SRRM3: variants seen among roughly 807,000 people sequenced by gnomAD.
The protein encoded by SRRM3 is serine/arginine repetitive matrix 3, also known as serine/arginine repetitive matrix protein 3.
In SRRM3, 27 loss-of-function variants were observed where a neutral mutation model predicts 66.2. The ratio of observed to expected loss-of-function variants is 0.41; its 90% CI spans 0.30 to 0.56. The LOEUF (loss-of-function observed/expected upper bound fraction) is 0.56, where lower values mean the gene tolerates loss of function less well. Among genes scored for constraint, SRRM3 ranks in the 20% least tolerant of loss-of-function variants. SRRM3 has a pLI of 0.32. For synonymous variants in SRRM3, 391 were observed against 414.9 expected, an observed-to-expected ratio of 0.94 and a Z score of 0.70; for missense variants, 918 against 991.9, an observed-to-expected ratio of 0.93 and a Z score of 1.00.
At chr7:76,229,389 G>A (rs547091579) in intron 1 of SRRM3, among the ~76,000 whole-genome samples, 2 of 152,120 alleles carry the variant, frequency 1.3e-5, no homozygotes, top group Non-Finnish European at 1.5e-5. Context: ...GGCAATGCTA[G>A]CTAAACATCA....
intron 1 of SRRM3, among the ~76,000 whole-genome samples, chr7:76,211,190 C>T (rs1554601664): frequency 1.3e-5 from 2 of 152,180 alleles, no homozygotes; most frequent in Non-Finnish European, 2.9e-5. Flanking sequence ...GGGAAGGACT[C>T]CCTGACCTGG....
At chr7:76,261,922 G>T (rs186225900) in intron 8 of SRRM3, among the ~76,000 whole-genome samples, 3 of 151,692 alleles carry the variant, frequency 2.0e-5, no homozygotes, top group African/African-American at 7.3e-5. Flanking sequence ...GAAACAGCTC[G>T]CGAGGCAGGA....
At chr7:76,242,345 C>T (rs931970883) in intron 2 of SRRM3, among the ~76,000 whole-genome samples, 2 of 151,920 alleles carry the variant, frequency 1.3e-5, no homozygotes, top group Non-Finnish European at 1.5e-5. Flanking sequence ...ATTAGCTGGG[C>T]GTGGGGGCGC....
intron 1 of SRRM3, among the ~76,000 whole-genome samples, chr7:76,211,419 G>C (rs1800428079): frequency 6.6e-6 from 1 of 150,832 alleles, no homozygotes; most frequent in Non-Finnish European, 1.5e-5. Flanking sequence ...CTGTTGGGGG[G>C]CGGGGGGGGA....
At chr7:76,257,197 A>G (rs886628314) in intron 3 of SRRM3, among the ~76,000 whole-genome samples, 1 of 152,082 alleles carries the variant, frequency 6.6e-6, no homozygotes, top group Admixed American at 6.6e-5. Flanking sequence ...CATGCCTCTG[A>G]CAAATCCAAA....
chr7:76,276,388 G>C (rs1802348526), intron 11 of SRRM3, among the ~76,000 whole-genome samples: 1 of 152,180 alleles, frequency 6.6e-6, no homozygotes, highest in South Asian at 2.1e-4. Flanking sequence ...AAATGTGAGT[G>C]GGAAGCTCCT....
chr7:76,218,831 A>G (rs1800637113), intron 1 of SRRM3, among the ~76,000 whole-genome samples: 1 of 151,464 alleles, frequency 6.6e-6, no homozygotes, highest in African/African-American at 2.4e-5. Flanking sequence ...GGCATGCACC[A>G]TCACACCTGG....
At chr7:76,268,362 G>T (rs115979437) in intron 11 of SRRM3, 1 of 147,354 alleles carries the variant, frequency 6.8e-6, no homozygotes, top group Non-Finnish European at 1.5e-5. Context: ...GAGAGAGGGG[G>T]CTGCAGTGCT....
chr7:76,286,216 T>G lies in SRRM3; in HGVS notation c.*373T>G. ...CATGATCTGCTCTGTCACTTCACCT[T>G]AGCTCAGTGCAGCCAGGGACACCTT... is the stretch of plus-strand genomic sequence containing the variant. On this transcript the variant is annotated 3_prime_UTR_variant, in exon 15 of 15. Transcript: ENST00000611745. The G allele has an allele frequency of 3.5e-6, 1 of 282,960 alleles. No homozygotes were observed. Among genetic ancestry groups the G allele is most frequent in the Non-Finnish European group, 7.1e-6 (1 of 140,416 alleles). 17.5% of individuals were successfully genotyped at this position (282,960 alleles called of 1,614,324 possible). A position where few individuals can be genotyped will look rare whatever the true frequency, so the allele number is the denominator to read the frequency against.
chr7:76,261,054 G>A (rs551933049), intron 6 of SRRM3, among the ~76,000 whole-genome samples, 151 bp downstream of exon 6: 1 of 152,218 alleles, frequency 6.6e-6, no homozygotes, highest in African/African-American at 2.4e-5. Context: ...TACAGAGGCC[G>A]TGAATCCCAC....
chr7:76,205,188 TTCTCTC>T (rs368530693), intron 1 of SRRM3, among the ~76,000 whole-genome samples: 76 of 149,562 alleles, frequency 5.1e-4, no homozygotes, highest in Non-Finnish European at 9.5e-4. Flanking sequence ...CTTGCCTCCT[TTCTCTC>T]TCTCTCTCTC....
At chr7:76,214,175 T>G (rs1800502029) in intron 1 of SRRM3, among the ~76,000 whole-genome samples, 1 of 152,032 alleles carries the variant, frequency 6.6e-6, no homozygotes, top group Non-Finnish European at 1.5e-5. Flanking sequence ...AATCAGCCCC[T>G]TTGAGCCTGG....
chr7:76,210,521 C>T (rs555686018), intron 1 of SRRM3, among the ~76,000 whole-genome samples: 1 of 152,326 alleles, frequency 6.6e-6, no homozygotes, highest in South Asian at 2.1e-4. Context: ...CTCTTCCCCA[C>T]TTAAAAGCTG....
chr7:76,239,064 C>A (rs1241107435), intron 2 of SRRM3, among the ~76,000 whole-genome samples: 1 of 151,528 alleles, frequency 6.6e-6, no homozygotes, highest in Non-Finnish European at 1.5e-5. Flanking sequence ...CGGAGTTTCA[C>A]TCTTGTTGCC....
At position 76,248,172 on chromosome 7, in the gene SRRM3, C is replaced by G; in HGVS notation, c.234-16C>G. The stretch of plus-strand genomic sequence containing the variant: ...TCTGGGAGACCAGCCCCTTCACCCT[C>G]TCTGTGCCCCTGCAGGTATTCGGAG... On this transcript the variant is annotated splice_polypyrimidine_tract_variant and intron_variant, in intron 2 of 14. Transcript: ENST00000611745. 6.2e-7 allele frequency: 1 copy of G among 1,606,422 alleles called. No individual in the cohort carries two copies. The highest frequency in any genetic ancestry group is 8.5e-7 in the Non-Finnish European group (1 of 1,175,258).
chr7:76,210,394 C>G (rs1458053334), intron 1 of SRRM3, among the ~76,000 whole-genome samples: 6 of 152,210 alleles, frequency 3.9e-5, no homozygotes, highest in Non-Finnish European at 7.3e-5. Flanking sequence ...TCATTCTCCC[C>G]AGAAACCTCT....
chr7:76,259,404 C>A (rs1419271263), intron 3 of SRRM3, among the ~76,000 whole-genome samples: 3 of 151,920 alleles, frequency 2.0e-5, no homozygotes, highest in South Asian at 2.1e-4. Flanking sequence ...CATAGTGAGA[C>A]CCCGTCTCTG....
rs576860306 is a variant in SRRM3 at position 76,246,130 on chromosome 7, G to C, written c.234-2058G>C. Among the ~76,000 whole-genome samples the C allele has an allele frequency of 5.9e-5, 9 of 152,320 alleles. No individual in the cohort carries two copies. The South Asian group carries it at 1.9e-3, about 32-fold the overall frequency. On this transcript the variant is annotated intron_variant, in intron 2 of 14. Transcript: ENST00000611745. ...AAAGGTTTGGGACAAATAAGCCTTA[G>C]TCATTACCATTTATTGGGCACCTAC...
chr7:76,252,640 A>T (rs1469406993), intron 3 of SRRM3, among the ~76,000 whole-genome samples: 10 of 151,708 alleles, frequency 6.6e-5, no homozygotes, highest in Non-Finnish European at 1.0e-4. Context: ...GATTTGTAGA[A>T]ATGTGATCTT....
Sources: allele counts gnomAD v4.1 joint callset (sites outside exome capture counted in the v4.1 genomes callset), GRCh38; gene constraint gnomAD v4.1.1; transcripts MANE v1.5; gene names NCBI Gene and HGNC (gene_info 2026-07-23, HGNC 2026-07-21).